Variants in PCSK2 observed in about 807,000 individuals in gnomAD.
PCSK2 encodes the protein proprotein convertase subtilisin/kexin type 2, also known as neuroendocrine convertase 2.
A neutral mutation model predicts 69.7 loss-of-function variants in PCSK2; 14 were observed. That is an observed-to-expected ratio of 0.20 (90% CI 0.13 to 0.31). The LOEUF (loss-of-function observed/expected upper bound fraction) is 0.31. Ranked by LOEUF, PCSK2 falls within the 10% of genes least tolerant of loss-of-function variation. The pLI is 1.00. For synonymous variants in PCSK2, 307 were observed against 320.7 expected, an observed-to-expected ratio of 0.96 and a Z score of 0.46; for missense variants, 544 against 842.5, an observed-to-expected ratio of 0.65 and a Z score of 4.39.
chr20:17,349,591 T>C (rs2029910587), intron 2 of PCSK2, among the ~76,000 whole-genome samples: 1 of 151,856 alleles, frequency 6.6e-6, no homozygotes, highest in Admixed American at 6.6e-5. Context: ...GCCCTAATCC[T>C]GTGTCCCATA....
chr20:17,395,871 T>G (rs1454951428), intron 5 of PCSK2, among the ~76,000 whole-genome samples: 1 of 152,218 alleles, frequency 6.6e-6, no homozygotes, highest in Non-Finnish European at 1.5e-5. Flanking sequence ...TCATCTTTGC[T>G]ATTTTTAGAG....
At chr20:17,407,950 C>T (rs1018898682) in intron 5 of PCSK2, among the ~76,000 whole-genome samples, 4 of 152,180 alleles carry the variant, frequency 2.6e-5, no homozygotes, top group African/African-American at 9.7e-5. Flanking sequence ...ATTACAACTA[C>T]TGGTGATTTT....
chr20:17,322,319 A>G (rs1989894412), intron 2 of PCSK2, among the ~76,000 whole-genome samples: 2 of 152,130 alleles, frequency 1.3e-5, no homozygotes, highest in Non-Finnish European at 2.9e-5. Context: ...TGAAAGGAGT[A>G]TTGATGAGTA....
intron 2 of PCSK2, among the ~76,000 whole-genome samples, chr20:17,283,532 G>A (rs931292716): frequency 4.6e-5 from 7 of 151,336 alleles, no homozygotes; most frequent in African/African-American, 1.7e-4. Context: ...TAAATGGATG[G>A]GGTGCTGAGG....
rs200229510 is a variant in PCSK2 at position 17,355,674 on chromosome 20, C to G, written c.283-2653C>G. Among the ~76,000 whole-genome samples the G allele has an allele frequency of 6.7e-3, 1,011 of 151,456 alleles. 6 individuals carry two copies. The highest frequency in any genetic ancestry group is 0.033 in the East Asian group (173 of 5,166). The stretch of plus-strand genomic sequence containing the variant: ...AAACACACACACACACACACACACA[C>G]AGAGAGAGAGCTATGGGAATATGCT... On this transcript the variant is annotated intron_variant, in intron 2 of 11. Coordinates refer to ENST00000262545, the MANE Select transcript of PCSK2 (RefSeq NM_002594.5).
chr20:17,335,008 T>G (rs568608202), intron 2 of PCSK2, among the ~76,000 whole-genome samples: 1 of 152,344 alleles, frequency 6.6e-6, no homozygotes, highest in African/African-American at 2.4e-5. Flanking sequence ...AAGTTCAATT[T>G]CTTCATTCGT....
intron 2 of PCSK2, among the ~76,000 whole-genome samples, chr20:17,351,179 A>G (rs949512882): frequency 4.6e-5 from 7 of 152,252 alleles, no homozygotes; most frequent in Middle Eastern, 3.4e-3. Context: ...TGGGTAAGGG[A>G]TGGGTAGAGT....
chr20:17,404,542 G>A (rs1291768416), intron 5 of PCSK2, among the ~76,000 whole-genome samples: 1 of 152,136 alleles, frequency 6.6e-6, no homozygotes, highest in African/African-American at 2.4e-5. Context: ...TGGTGAGCTG[G>A]GGCTCAGTAT....
intron 2 of PCSK2, among the ~76,000 whole-genome samples, chr20:17,335,462 T>TGTGTGTGTG (rs1555789125): frequency 9.3e-5 from 14 of 151,226 alleles, no homozygotes; most frequent in South Asian, 2.1e-4. Flanking sequence ...TGTGTGTGTG[T>TGTGTGTGTG]TCCTTGTCTA....
chr20:17,301,266 G>A (rs1302189889), intron 2 of PCSK2, among the ~76,000 whole-genome samples: 1 of 152,144 alleles, frequency 6.6e-6, no homozygotes, highest in Non-Finnish European at 1.5e-5. Flanking sequence ...CATTTTGGTG[G>A]AGGAGACATT....
intron 5 of PCSK2, among the ~76,000 whole-genome samples, chr20:17,409,056 T>G (rs1211941712): frequency 6.6e-6 from 1 of 152,058 alleles, no homozygotes; most frequent in African/African-American, 2.4e-5. Context: ...TAGGATGAAA[T>G]GGGGAAGCCT....
intron 6 of PCSK2, among the ~76,000 whole-genome samples, chr20:17,409,623 C>G (rs1478879548): frequency 6.6e-6 from 1 of 152,190 alleles, no homozygotes; most frequent in Non-Finnish European, 1.5e-5. Context: ...TCTTTCTCAA[C>G]CCATTACAAG....
intron 1 of PCSK2, among the ~76,000 whole-genome samples, chr20:17,248,284 CA>C (rs1385065694): frequency 1.3e-5 from 2 of 151,922 alleles, no homozygotes; most frequent in African/African-American, 4.8e-5. Flanking sequence ...CTAGGATACT[CA>C]GGTGAATGTT....
chr20:17,233,314 T>G (rs1281929425), intron 1 of PCSK2, among the ~76,000 whole-genome samples: 5 of 152,214 alleles, frequency 3.3e-5, no homozygotes, highest in African/African-American at 1.2e-4. Flanking sequence ...GGCACAGCAC[T>G]GAGTGCATAG....
At chr20:17,426,029 G>T (rs73248110) in intron 6 of PCSK2, among the ~76,000 whole-genome samples, 318 of 152,282 alleles carry the variant, frequency 2.1e-3, no homozygotes, top group African/African-American at 7.3e-3. Flanking sequence ...ATGTTACAGA[G>T]TGAGAGACAA....
intron 2 of PCSK2, among the ~76,000 whole-genome samples, chr20:17,346,701 A>T (rs1013926884): frequency 1.3e-5 from 2 of 151,464 alleles, no homozygotes; most frequent in South Asian, 4.2e-4. Flanking sequence ...TGTCAAGTAC[A>T]CCCCAGTCTA....
chr20:17,310,774 G>A (rs549487624), intron 2 of PCSK2, among the ~76,000 whole-genome samples: 2 of 151,326 alleles, frequency 1.3e-5, no homozygotes, highest in East Asian at 1.9e-4. Context: ...GGTGGATCAC[G>A]AGGTCGGGAG....
chr20:17,245,801 T>C (rs1986750169), intron 1 of PCSK2, among the ~76,000 whole-genome samples: 3 of 152,218 alleles, frequency 2.0e-5, no homozygotes, highest in East Asian at 3.8e-4. Flanking sequence ...GGATCACAAA[T>C]TGAGTTTGGC....
intron 2 of PCSK2, among the ~76,000 whole-genome samples, chr20:17,310,720 A>G (rs1345877750): frequency 6.6e-6 from 1 of 151,258 alleles, no homozygotes; most frequent in Non-Finnish European, 1.5e-5. Flanking sequence ...TCATGGAGGC[A>G]GTGGCTGACA....
Sources: gnomAD v4.1 joint callset for allele counts (sites outside exome capture counted in the v4.1 genomes callset) on GRCh38, gnomAD v4.1.1 for gene constraint, MANE v1.5 for transcripts, NCBI Gene and HGNC (gene_info 2026-07-23, HGNC 2026-07-21) for gene names.